Variants in GPD2 observed in about 807,000 individuals in gnomAD.
GPD2 encodes glycerol-3-phosphate dehydrogenase, mitochondrial.
Under a neutral mutation model 82.4 loss-of-function variants are expected in GPD2, and 54 were observed. The observed-to-expected ratio is 0.66, with a 90% CI of 0.53 to 0.82. The LOEUF (loss-of-function observed/expected upper bound fraction) is 0.82. Ranked by LOEUF, GPD2 falls within the 40% of genes least tolerant of loss-of-function variation. The pLI is 0.00. For synonymous variants in GPD2, 288 were observed against 306.1 expected (o/e 0.94, Z 0.62); for missense variants, 748 against 896.2 (o/e 0.83, Z 2.11).
At chr2:156,418,147 A>C in the GPD2 span, among the ~76,000 whole-genome samples, 1 of 152,020 alleles carries the variant, frequency 6.6e-6, no homozygotes, top group Admixed American at 6.6e-5. Flanking sequence ...CTCGGGAGGA[A>C]GAGGTTGCAG....
At chr2:156,535,572 T>G (rs1002233919) in intron 6 of GPD2, among the ~76,000 whole-genome samples, 13 of 152,152 alleles carry the variant, frequency 8.5e-5, no homozygotes, top group Admixed American at 3.9e-4. Flanking sequence ...TGTTGTTGTT[T>G]TTTTTTGTTT....
intron 6 of GPD2, among the ~76,000 whole-genome samples, chr2:156,531,401 TTTGTGACAC>T (rs1685853724): frequency 6.6e-6 from 1 of 152,204 alleles, no homozygotes. Flanking sequence ...AACCCCAGGC[TTTGTGACAC>T]TTCTCTCCAG....
intron 6 of GPD2, among the ~76,000 whole-genome samples, chr2:156,517,753 TA>T: frequency 6.6e-6 from 1 of 152,194 alleles, no homozygotes; most frequent in Non-Finnish European, 1.5e-5. Context: ...CTCAGGAACT[TA>T]TTTTTTTTTT....
chr2:156,425,701 C>A, the GPD2 span, among the ~76,000 whole-genome samples: 3 of 152,150 alleles, frequency 2.0e-5, no homozygotes, highest in Non-Finnish European at 2.9e-5. Context: ...CGAGAGCCAA[C>A]CCCTGTGGAT....
intron 3 of GPD2, among the ~76,000 whole-genome samples, chr2:156,505,910 A>T (rs565476208): frequency 4.9e-4 from 74 of 152,354 alleles, no homozygotes; most frequent in Non-Finnish European, 9.3e-4. Flanking sequence ...AGGTGAGGAA[A>T]CAATTTGGAT....
the GPD2 span, among the ~76,000 whole-genome samples, chr2:156,411,361 G>C: frequency 6.6e-6 from 1 of 151,746 alleles, no homozygotes; most frequent in Admixed American, 6.6e-5. Flanking sequence ...TGTCACCCAG[G>C]CTGGAGTGCA....
intron 6 of GPD2, among the ~76,000 whole-genome samples, chr2:156,517,382 A>G (rs751901865): frequency 7.2e-5 from 11 of 152,238 alleles, no homozygotes; most frequent in Non-Finnish European, 1.5e-4. Context: ...TAACTGTCAT[A>G]TTTTTAAATG....
At chr2:156,415,653 T>C in the GPD2 span, among the ~76,000 whole-genome samples, 1 of 151,902 alleles carries the variant, frequency 6.6e-6, no homozygotes, top group Admixed American at 6.6e-5. Flanking sequence ...GTCGGGAGTT[T>C]GAGACCAGCC....
chr2:156,500,298 T>A (rs903307091), intron 3 of GPD2, among the ~76,000 whole-genome samples: 4 of 152,192 alleles, frequency 2.6e-5, no homozygotes, highest in African/African-American at 7.2e-5. Context: ...GCATTTATAA[T>A]TAAAATTTAT....
At chr2:156,507,036 C>T (rs115406276) in intron 3 of GPD2, among the ~76,000 whole-genome samples, 2,694 of 151,146 alleles carry the variant, frequency 0.018, 34 homozygotes, top group Middle Eastern at 0.034. Flanking sequence ...TTTCTTGAGA[C>T]GGAGTCTCAC....
intron 2 of GPD2, among the ~76,000 whole-genome samples, chr2:156,483,460 C>G (rs962497): frequency 0.32 from 48,728 of 152,094 alleles, 9,247 homozygotes; most frequent in Non-Finnish European, 0.44. Flanking sequence ...CTTTCCCTTC[C>G]CCTGAGGTAG....
chr2:156,579,608 A>G, intron 15 of GPD2, 82 bp from the exon 16 acceptor site: 3 of 763,872 alleles, frequency 3.9e-6, no homozygotes, highest in Non-Finnish European at 7.1e-6. Context: ...CTGGGATTAC[A>G]GGCATGAGCC....
At chr2:156,563,209 T>C (rs1687239521) in intron 9 of GPD2, among the ~76,000 whole-genome samples, 1 of 152,228 alleles carries the variant, frequency 6.6e-6, no homozygotes, top group Non-Finnish European at 1.5e-5. Flanking sequence ...TAGAGAATGC[T>C]TTAATATTCC....
At chr2:156,552,460 G>A (rs767412977) in intron 8 of GPD2, among the ~76,000 whole-genome samples, 1 of 152,102 alleles carries the variant, frequency 6.6e-6, no homozygotes, top group African/African-American at 2.4e-5. Flanking sequence ...AATATCTAAG[G>A]CCAGCTAGTT....
intron 12 of GPD2, 126 bp downstream of exon 12, chr2:156,570,344 A>C (rs922211441): frequency 1.2e-6 from 1 of 807,986 alleles, no homozygotes; most frequent in Non-Finnish European, 2.1e-6. Flanking sequence ...AACCAGGACT[A>C]CTATGTCTTT....
intron 6 of GPD2, among the ~76,000 whole-genome samples, chr2:156,519,737 T>C (rs1685328443): frequency 6.6e-6 from 1 of 152,230 alleles, no homozygotes; most frequent in Admixed American, 6.5e-5. Flanking sequence ...TGTGGCTCGA[T>C]TACCTGGCCG....
intron 13 of GPD2, among the ~76,000 whole-genome samples, chr2:156,577,040 AAC>A (rs770368839): frequency 1.3e-5 from 2 of 152,192 alleles, no homozygotes; most frequent in Non-Finnish European, 2.9e-5. Flanking sequence ...CACACACACA[AAC>A]ACACACATTT....
intron 13 of GPD2, among the ~76,000 whole-genome samples, 177 bp from the exon 14 acceptor site, chr2:156,578,712 G>A (rs1280051720): frequency 6.6e-6 from 1 of 152,144 alleles, no homozygotes; most frequent in Non-Finnish European, 1.5e-5. Flanking sequence ...AATCATGGTA[G>A]TAGGTACATT....
chr2:156,441,462 G>A (rs1682175073), intron 1 of GPD2, among the ~76,000 whole-genome samples: 1 of 152,210 alleles, frequency 6.6e-6, no homozygotes, highest in African/African-American at 2.4e-5. Context: ...TGGAGGCTGA[G>A]GTGAGAGGAT....
Sources: gnomAD v4.1 joint callset for allele counts (sites outside exome capture counted in the v4.1 genomes callset) on GRCh38, gnomAD v4.1.1 for gene constraint, MANE v1.5 for transcripts, NCBI Gene and HGNC (gene_info 2026-07-23, HGNC 2026-07-21) for gene names.